The following ACSBG2 variants were observed in gnomAD, a reference collection of about 807,000 sequenced individuals.
ACSBG2 encodes acyl-CoA synthetase bubblegum family member 2, also known as long-chain-fatty-acid--CoA ligase ACSBG2.
Under a neutral mutation model 74.7 loss-of-function variants are expected in ACSBG2, and 62 were observed. The observed-to-expected ratio is 0.83, with a 90% CI of 0.68 to 1.03. The LOEUF (loss-of-function observed/expected upper bound fraction) is 1.03. Among genes scored for constraint, ACSBG2 ranks in the 50% least tolerant of loss-of-function variants. The pLI is 0.00. For synonymous variants in ACSBG2, 309 were observed against 294.1 expected (o/e 1.05, Z -0.52); for missense variants, 730 against 817.6 (o/e 0.89, Z 1.31).
intron 3 of ACSBG2, among the ~76,000 whole-genome samples, chr19:6,148,059 GACAA>G (rs2089108331): frequency 6.6e-6 from 1 of 152,178 alleles, no homozygotes; most frequent in Non-Finnish European, 1.5e-5. Flanking sequence ...GACTTGAAAT[GACAA>G]ACATTTATCA....
Position 6,190,529 on chromosome 19 carries a change from T to C in ACSBG2, c.1928-55T>C, listed in dbSNP as rs2090532907. 2.1e-6 allele frequency: 3 copies of C among 1,452,070 alleles called. No homozygotes were observed. The South Asian group carries it at 3.4e-5, about 17-fold the overall frequency. The allele number at this position is 1,452,070 out of a possible 1,614,324, so 89.9% of individuals were successfully genotyped here. On this transcript the variant is annotated intron_variant, in intron 13 of 14. Transcript: ENST00000588485. Reference sequence around the variant, plus strand: ...ACTCTGTTGCCTGGTCATGCATGGGTGTGTGTAATTTTCTTTTATCTCCAC... The same window carrying C: ...ACTCTGTTGCCTGGTCATGCATGGGCGTGTGTAATTTTCTTTTATCTCCAC...
chr19:6,176,685 G>A (rs1040948449), intron 7 of ACSBG2, among the ~76,000 whole-genome samples: 2 of 151,826 alleles, frequency 1.3e-5, no homozygotes, highest in Admixed American at 6.6e-5. Context: ...TTAATCATTC[G>A]ACAGATTTTT....
At chr19:6,141,633 TG>T in intron 2 of ACSBG2, 23 bp downstream of exon 2, 2 of 1,444,630 alleles carry the variant, frequency 1.4e-6, no homozygotes, top group Non-Finnish European at 2.0e-6. Context: ...AAAGAGTACG[TG>T]GGAGAGAGAG....
At chr19:6,156,690 A>T in intron 5 of ACSBG2, 139 bp downstream of exon 5, 1 of 861,064 alleles carries the variant, frequency 1.2e-6, no homozygotes, top group Non-Finnish European at 1.6e-6. Flanking sequence ...CCATGACCTC[A>T]TTAGTATATG....
At chr19:6,192,142 G>A (rs1479924460) in intron 14 of ACSBG2, 2 of 148,690 alleles carry the variant, frequency 1.3e-5, no homozygotes, top group Non-Finnish European at 3.0e-5. Context: ...TTGATTACAT[G>A]TTGAGATGAT....
intron 1 of ACSBG2, among the ~76,000 whole-genome samples, chr19:6,138,724 G>T (rs976818960): frequency 2.1e-5 from 3 of 145,504 alleles, no homozygotes; most frequent in Non-Finnish European, 4.6e-5. Context: ...AAAGAAGGAA[G>T]GGAGGGAGAG....
At chr19:6,167,944 C>T (rs189911033) in intron 7 of ACSBG2, among the ~76,000 whole-genome samples, 8 of 151,996 alleles carry the variant, frequency 5.3e-5, no homozygotes, top group East Asian at 1.9e-4. Context: ...CCACCCCATC[C>T]GGTTACCCGC....
intron 11 of ACSBG2, among the ~76,000 whole-genome samples, chr19:6,186,156 A>T (rs991393816): frequency 2.6e-5 from 4 of 151,960 alleles, no homozygotes; most frequent in Non-Finnish European, 5.9e-5. Context: ...ATAATAATCG[A>T]CAGAGTTGTA....
rs1283349720 is a variant in ACSBG2, at chr19:6,168,579, T to C, written c.738+2564T>C. On this transcript the variant is annotated intron_variant, in intron 7 of 14. Coordinates refer to ENST00000588485, the MANE Select transcript of ACSBG2 (RefSeq NM_030924.5). Reference sequence around the variant, plus strand: ...ACTCAATCCACTTTTGGGAAATGAATGAATGAGGGAAATCTGATTAAACAG... The same window carrying C: ...ACTCAATCCACTTTTGGGAAATGAACGAATGAGGGAAATCTGATTAAACAG... Among the ~76,000 whole-genome samples the C allele has an allele frequency of 2.0e-5, 3 of 152,126 alleles. No homozygotes were observed. In the South Asian group the frequency reaches 6.2e-4, roughly 31 times the overall value.
At chr19:6,190,761 C>G in intron 14 of ACSBG2, 69 bp downstream of exon 14, 1 of 932,520 alleles carries the variant, frequency 1.1e-6, no homozygotes. Context: ...CACTGTGTGG[C>G]AGGCAGATCT....
In ACSBG2 at chr19:6,190,662, T is replaced by A. The variant is rs1216790918; in HGVS notation, c.*5T>A. On this transcript the variant is annotated 3_prime_UTR_variant, in exon 14 of 15. Coordinates refer to ENST00000588485, the MANE Select transcript of ACSBG2 (RefSeq NM_030924.5). ...ATTGATCACATGTACCACTGACTGC[T>A]TTGATGGAGCTGCTCTCAGCTGTTC... 6.2e-7 allele frequency: 1 copy of A among 1,613,776 alleles called. No homozygotes were observed. The highest frequency in any genetic ancestry group is 8.5e-7 in the Non-Finnish European group (1 of 1,179,664).
At chr19:6,154,086 T>C (rs1204406588) in intron 4 of ACSBG2, among the ~76,000 whole-genome samples, 1 of 151,984 alleles carries the variant, frequency 6.6e-6, no homozygotes, top group African/African-American at 2.4e-5. Flanking sequence ...ATACTACCCC[T>C]GTCTTACAGT....
At chr19:6,179,293 ATT>A (rs1169472742) in intron 8 of ACSBG2, among the ~76,000 whole-genome samples, 169 of 118,594 alleles carry the variant, frequency 1.4e-3, no homozygotes, top group African/African-American at 4.3e-3. Context: ...TCTTTTCTAA[ATT>A]TTTTTTTTTT....
chr19:6,136,324 C>T (rs1456753359), intron 1 of ACSBG2, among the ~76,000 whole-genome samples: 1 of 152,040 alleles, frequency 6.6e-6, no homozygotes, highest in Non-Finnish European at 1.5e-5. Context: ...AATCTCCTGA[C>T]CTCGTGATCC....
chr19:6,147,795 A>T, intron 3 of ACSBG2, 120 bp downstream of exon 3: 1 of 1,070,386 alleles, frequency 9.3e-7, no homozygotes, highest in South Asian at 1.5e-5. Context: ...AATTGGCGAA[A>T]ATTTCCCTCT....
chr19:6,147,564 C>T lies in ACSBG2; in HGVS notation c.186C>T (p.Asn62=). 4 of 1,614,132 alleles carry T rather than the reference C, an allele frequency of 2.5e-6. No individual in the cohort carries two copies. The highest frequency in any genetic ancestry group is 3.4e-6 in the Non-Finnish European group (4 of 1,180,030). ...CTGAATTTTTTCGAGAGTCAGTCAA[C>T]CGATTTGGAACTTATCCAGCCCTCG... ...TIPEFFRESV[N]RFGTYPALAS... is the part of the protein sequence containing the mutation. Residue 62 remains asparagine (N), a synonymous_variant, in exon 3 of 15, where the codon AAC becomes AAT. Coordinates refer to ENST00000588485, the MANE Select transcript of ACSBG2 (RefSeq NM_030924.5).
rs2090053113 is a variant in ACSBG2 at position 6,174,895 on chromosome 19, G to T, written c.739-2334G>T. Among the ~76,000 whole-genome samples, 2 of 152,132 alleles carry T rather than the reference G, an allele frequency of 1.3e-5. No homozygotes were observed. The highest frequency in any genetic ancestry group is 6.5e-5 in the Admixed American group (1 of 15,268). On this transcript the variant is annotated intron_variant, in intron 7 of 14. Transcript: ENST00000588485. This position sits in a 1 kb window ranked among gnomAD's most constrained non-coding sequence, Gnocchi z 4.2. ...CAGCTCAGTGTTTCTCCCGTGTAGG[G>T]AACACTATGTTCAGTGCTAAGATAA...
Position 6,185,660 on chromosome 19 carries a change from G to A in ACSBG2, c.1540+7G>A. 1 of 1,613,852 alleles carries A rather than the reference G, an allele frequency of 6.2e-7. No homozygotes were observed. Among genetic ancestry groups the A allele is most frequent in the South Asian group, 1.1e-5 (1 of 91,062 alleles). On this transcript the variant is annotated splice_region_variant and intron_variant, in intron 11 of 14. Transcript: ENST00000588485. ...GTCACCGGCCACATCAAAGGTACCA[G>A]GGGCTGAGCTCTTTGGGAATCTCCT...
chr19:6,161,486 G>A, intron 6 of ACSBG2, 191 bp downstream of exon 6: 1 of 534,406 alleles, frequency 1.9e-6, no homozygotes, highest in Non-Finnish European at 3.3e-6. Flanking sequence ...GGCCTTGTGA[G>A]GAAAGTGGGT....
Sources: allele counts gnomAD v4.1 joint callset (sites outside exome capture counted in the v4.1 genomes callset), GRCh38; gene constraint gnomAD v4.1.1; non-coding constraint Gnocchi (gnomAD v3.1); transcripts MANE v1.5; gene names NCBI Gene and HGNC (gene_info 2026-07-23, HGNC 2026-07-21).